Variants in CFAP58 observed in about 807,000 individuals in gnomAD.
The protein encoded by CFAP58 is cilia and flagella associated protein 58, also known as cilia- and flagella-associated protein 58.
CFAP58 carries 88 observed loss-of-function variants against 119.5 expected under a neutral mutation model. That is an observed-to-expected ratio of 0.74 (90% confidence interval 0.62 to 0.88). The LOEUF is 0.88. Among genes scored for constraint, CFAP58 ranks in the 40% least tolerant of loss-of-function variants. The pLI is 0.00. For synonymous variants in CFAP58, 365 were observed against 366.3 expected (o/e 1.00, Z 0.04); for missense variants, 990 against 1,021.2 (o/e 0.97, Z 0.42).
At chr10:104,423,769 C>T (rs945400002) in intron 15 of CFAP58, among the ~76,000 whole-genome samples, 1 of 152,128 alleles carries the variant, frequency 6.6e-6, no homozygotes, top group Non-Finnish European at 1.5e-5. Flanking sequence ...CAGTTTATTT[C>T]AAGATGAGGA....
intron 1 of CFAP58, among the ~76,000 whole-genome samples, chr10:104,356,244 T>C (rs1342792273): frequency 6.6e-6 from 1 of 152,234 alleles, no homozygotes; most frequent in African/African-American, 2.4e-5. Context: ...CTGTTTTGCT[T>C]GCATGTCATC....
At chr10:104,448,414 T>C (rs1244448813) in intron 16 of CFAP58, among the ~76,000 whole-genome samples, 1 of 152,244 alleles carries the variant, frequency 6.6e-6, no homozygotes, top group African/African-American at 2.4e-5. Flanking sequence ...GTTTTACTTT[T>C]CTATGTGCCT....
At chr10:104,363,797 T>C (rs2014703922) in intron 3 of CFAP58, among the ~76,000 whole-genome samples, 1 of 152,226 alleles carries the variant, frequency 6.6e-6, no homozygotes, top group Admixed American at 6.5e-5. Flanking sequence ...CAAATTACTG[T>C]GTTTTGAGCA....
At chr10:104,345,680 T>C in the CFAP58 span, among the ~76,000 whole-genome samples, 1 of 152,190 alleles carries the variant, frequency 6.6e-6, no homozygotes, top group African/African-American at 2.4e-5. Flanking sequence ...GCTCAGTCTT[T>C]CCAGCAGCAC....
At chr10:104,354,851 A>G (rs760017898) in intron 1 of CFAP58, among the ~76,000 whole-genome samples, 2 of 152,116 alleles carry the variant, frequency 1.3e-5, no homozygotes, top group Non-Finnish European at 2.9e-5. Flanking sequence ...TTTCACTCCC[A>G]TGAAGCCAGC....
rs1564876121 is a variant in CFAP58, at chr10:104,357,953, A to ACACACATATATGTACACATATG, written c.10-388_10-387insCACACATATATGTACACATATG. 6.2e-5 allele frequency among the ~76,000 whole-genome samples: 7 copies of ACACACATATATGTACACATATG among 113,006 alleles called. No individual in the cohort carries two copies. In the South Asian group the frequency reaches 1.2e-3, roughly 19 times the overall value. The allele number at this position is 113,006 out of a possible 152,430, so 74.1% of individuals were successfully genotyped here. A position where few individuals can be genotyped will look rare whatever the true frequency, so the allele number is the denominator to read the frequency against. ...TATACACACATATATGTACACATAT[A>ACACACATATATGTACACATATG]TACACATATATGTACACATATGTAC... On this transcript the variant is annotated intron_variant, in intron 1 of 17. Transcript: ENST00000369704.
chr10:104,446,390 C>G (rs1280043696), intron 15 of CFAP58, among the ~76,000 whole-genome samples: 1 of 152,184 alleles, frequency 6.6e-6, no homozygotes, highest in Non-Finnish European at 1.5e-5. Context: ...TGCATACACT[C>G]TTCTATAAAT....
intron 15 of CFAP58, among the ~76,000 whole-genome samples, chr10:104,432,507 CTT>C (rs747229634): frequency 3.5e-5 from 5 of 143,604 alleles, no homozygotes; most frequent in Non-Finnish European, 4.6e-5. Flanking sequence ...GTAATAGGCA[CTT>C]TTTTTTTTTT....
chr10:104,341,826 C>T, the CFAP58 span, among the ~76,000 whole-genome samples: 1 of 152,114 alleles, frequency 6.6e-6, no homozygotes, highest in South Asian at 2.1e-4. Flanking sequence ...GACATATAAA[C>T]AAACCCTCTG....
At chr10:104,356,336 G>C (rs193000828) in intron 1 of CFAP58, among the ~76,000 whole-genome samples, 2 of 152,326 alleles carry the variant, frequency 1.3e-5, no homozygotes, top group African/African-American at 4.8e-5. Flanking sequence ...AGACGGGCTT[G>C]TCAAAACAGA....
At chr10:104,415,479 T>C (rs114282822) in intron 15 of CFAP58, among the ~76,000 whole-genome samples, 1,965 of 152,202 alleles carry the variant, frequency 0.013, 51 homozygotes, top group African/African-American at 0.044. Context: ...TTGAGCTGCT[T>C]CCAAAGGCAG....
At position 104,357,878 on chromosome 10, in the gene CFAP58, T is replaced by C. The variant is rs554413915; in HGVS notation, c.10-463T>C. On this transcript the variant is annotated intron_variant, in intron 1 of 17. Coordinates refer to ENST00000369704, the MANE Select transcript of CFAP58 (RefSeq NM_001008723.2). ...ATATACACATATATACACATATATG[T>C]ACACATATATAAACATATATGTACA... 3.6e-3 allele frequency among the ~76,000 whole-genome samples: 436 copies of C among 119,604 alleles called. 18 individuals are homozygous for C. Among genetic ancestry groups the C allele is most frequent in the Non-Finnish European group, 5.6e-3 (300 of 53,188 alleles). The allele number at this position is 119,604 out of a possible 152,430, so 78.5% of individuals were successfully genotyped here.
At chr10:104,382,294 G>T (rs972738864) in intron 9 of CFAP58, 1 of 686,820 alleles carries the variant, frequency 1.5e-6, no homozygotes, top group African/African-American at 1.8e-5. Flanking sequence ...CTGGGCAGGA[G>T]TGTGGTCCTC....
At chr10:104,419,192 C>T (rs2012612125) in intron 15 of CFAP58, among the ~76,000 whole-genome samples, 1 of 152,120 alleles carries the variant, frequency 6.6e-6, no homozygotes, top group Admixed American at 6.5e-5. Context: ...GCAGGCTGTT[C>T]AGAAAACAGA....
chr10:104,376,877 G>A lies in CFAP58; in HGVS notation c.1157G>A (p.Arg386Lys), dbSNP rs747785489. The change falls in exon 8 of 18, where the codon AGG becomes AAG. Residue 386 changes from arginine (R) to lysine (K), a missense_variant. Physicochemically the swap from Arg to Lys is conservative, Grantham distance 26. Transcript: ENST00000369704. ...GCAATGGACGAGCTTCTAAGAGAAAGGGACATACTAAATAAGGTGAGTGTG... is the reference window on the plus strand; with the variant it reads ...GCAATGGACGAGCTTCTAAGAGAAAAGGACATACTAAATAAGGTGAGTGTG... The part of the protein sequence containing the change: ...RKAMDELLRE[R>K]DILNKNMLKA... 3 of 1,612,992 alleles carry A rather than the reference G, an allele frequency of 1.9e-6. No individual in the cohort carries two copies. The highest frequency in any genetic ancestry group is 1.1e-5 in the South Asian group (1 of 91,048).
At chr10:104,386,140 G>A (rs2011917945) in intron 9 of CFAP58, among the ~76,000 whole-genome samples, 1 of 151,304 alleles carries the variant, frequency 6.6e-6, no homozygotes, top group African/African-American at 2.4e-5. Context: ...CACTTTGGGA[G>A]GCCAAGGTGG....
intron 2 of CFAP58, among the ~76,000 whole-genome samples, chr10:104,358,871 G>C (rs1265567901): frequency 6.6e-6 from 1 of 152,140 alleles, no homozygotes; most frequent in African/African-American, 2.4e-5. Flanking sequence ...TTAGGAAAAA[G>C]ATTTAGAGAT....
chr10:104,414,847 A>AT (rs1316057643), intron 15 of CFAP58, among the ~76,000 whole-genome samples: 1 of 151,714 alleles, frequency 6.6e-6, no homozygotes, highest in East Asian at 1.9e-4. Flanking sequence ...TTTTTTTTGT[A>AT]TTTTTTGGTA....
At chr10:104,435,348 G>T (rs930150770) in intron 15 of CFAP58, among the ~76,000 whole-genome samples, 3 of 152,198 alleles carry the variant, frequency 2.0e-5, no homozygotes, top group African/African-American at 7.2e-5. Flanking sequence ...GCCGGGCATG[G>T]TGGTGTGTGC....
Sources: allele counts gnomAD v4.1 joint callset (sites outside exome capture counted in the v4.1 genomes callset), GRCh38; gene constraint gnomAD v4.1.1; transcripts MANE v1.5; gene names NCBI Gene and HGNC (gene_info 2026-07-23, HGNC 2026-07-21).